B4GALT1: variants seen among roughly 807,000 people sequenced by gnomAD.
The protein encoded by B4GALT1 is beta-1,4-galactosyltransferase 1.
Under a neutral mutation model 34.9 loss-of-function variants are expected in B4GALT1, and 16 were observed. The observed-to-expected ratio is 0.46, with a 90% CI of 0.31 to 0.70. The LOEUF (loss-of-function observed/expected upper bound fraction) is 0.70. B4GALT1 is among the 30% of genes least tolerant of loss of function. B4GALT1 has a pLI of 0.05. For synonymous variants in B4GALT1, 221 were observed against 218.1 expected (o/e 1.01, Z -0.12); for missense variants, 445 against 530.5 (o/e 0.84, Z 1.58).
At chr9:33,169,243 C>T (rs138042425), upstream of B4GALT1, among the ~76,000 whole-genome samples, 365 of 152,276 alleles carry the variant, frequency 2.4e-3, 1 homozygote, top group African/African-American at 8.4e-3. Flanking sequence ...CCACAGAAAC[C>T]CTGTTCAATC....
At chr9:33,173,454 C>A in the B4GALT1 span, among the ~76,000 whole-genome samples, 1 of 149,618 alleles carries the variant, frequency 6.7e-6, no homozygotes, top group East Asian at 1.9e-4. Context: ...ATGAGAGTTA[C>A]CCAAGTTTCT....
intron 4 of B4GALT1, among the ~76,000 whole-genome samples, chr9:33,115,754 C>T (rs897393663): frequency 6.6e-6 from 1 of 152,184 alleles, no homozygotes; most frequent in African/African-American, 2.4e-5. Flanking sequence ...AAACTTGCCC[C>T]GTCACTTGGT....
At position 33,113,210 on chromosome 9, in the gene B4GALT1, C is replaced by T. The variant is rs891591306; in HGVS notation, c.*244G>A. On this transcript the variant is annotated 3_prime_UTR_variant, in exon 6 of 6. Transcript: ENST00000379731. ...CAGTTCTGACTCTGGGGTGACACTG[C>T]GAACACATCAAGAAACCCGCAAAGG... 9.3e-5 allele frequency: 53 copies of T among 568,792 alleles called. No individual in the cohort carries two copies. Among genetic ancestry groups the T allele is most frequent in the Middle Eastern group, 4.8e-4 (1 of 2,062 alleles). 35.2% of individuals were successfully genotyped at this position (568,792 alleles called of 1,614,324 possible).
At chr9:33,180,940 AC>A in the B4GALT1 span, among the ~76,000 whole-genome samples, 2 of 152,186 alleles carry the variant, frequency 1.3e-5, no homozygotes, top group Middle Eastern at 3.4e-3. Context: ...CTATCATCCA[AC>A]CCATATTTTC....
At chr9:33,175,758 A>G in the B4GALT1 span, among the ~76,000 whole-genome samples, 2 of 152,236 alleles carry the variant, frequency 1.3e-5, no homozygotes, top group Non-Finnish European at 2.9e-5. Context: ...GCCATACCAT[A>G]TAACCTAGAT....
chr9:33,175,021 A>ATATATATATATATATATATAT, the B4GALT1 span, among the ~76,000 whole-genome samples: 27 of 58,660 alleles, frequency 4.6e-4, no homozygotes, highest in Non-Finnish European at 6.8e-4. Flanking sequence ...ATATATATAT[A>ATATATATATATATATATATAT]AAATTGGAGG....
At chr9:33,105,049 ACCT>A (rs1352478396) in intron 2 of B4GALT1, among the ~76,000 whole-genome samples, 2 of 151,742 alleles carry the variant, frequency 1.3e-5, no homozygotes, top group Non-Finnish European at 2.9e-5. Context: ...CAAACTCCTG[ACCT>A]CAAGTGATCC....
chr9:33,116,142 G>A (rs1414579567), intron 3 of B4GALT1, 29 bp from the exon 4 acceptor site: 5 of 1,608,750 alleles, frequency 3.1e-6, no homozygotes, highest in Non-Finnish European at 4.2e-6. Flanking sequence ...CACAGAAGGA[G>A]CAGTGGTTAG....
intron 1 of B4GALT1, among the ~76,000 whole-genome samples, chr9:33,142,873 G>A (rs144369593): frequency 7.2e-5 from 11 of 152,166 alleles, no homozygotes; most frequent in East Asian, 1.9e-4. Flanking sequence ...GGCCAGGTGC[G>A]GTGGCTCACA....
downstream of B4GALT1, among the ~76,000 whole-genome samples, chr9:33,108,466 T>C (rs1839818290): frequency 1.4e-5 from 2 of 138,150 alleles, no homozygotes; most frequent in African/African-American, 5.4e-5. Context: ...AAAAAAAAAT[T>C]CTGAAAGGCA....
chr9:33,139,637 G>C (rs1475428538), intron 1 of B4GALT1, among the ~76,000 whole-genome samples: 1 of 152,172 alleles, frequency 6.6e-6, no homozygotes, highest in East Asian at 1.9e-4. Flanking sequence ...CTACACACCT[G>C]GCTCTGTCCC....
At chr9:33,128,619 G>A (rs13297246) in intron 2 of B4GALT1, among the ~76,000 whole-genome samples, 22,563 of 152,122 alleles carry the variant, frequency 0.15, 1,805 homozygotes, top group Non-Finnish European at 0.17. Context: ...CCAAGTGCCC[G>A]AAGGAAGGGG....
chr9:33,135,890 A>AGTGTGTGTGTGTGTGT (rs112875696), intron 1 of B4GALT1, among the ~76,000 whole-genome samples: 121 of 104,142 alleles, frequency 1.2e-3, no homozygotes, highest in African/African-American at 3.6e-3. Context: ...TAACTGGGGA[A>AGTGTGTGTGTGTGTGT]GTGTGTGTGT....
At chr9:33,121,811 A>AAG (rs1425259514) in intron 2 of B4GALT1, among the ~76,000 whole-genome samples, 1 of 152,144 alleles carries the variant, frequency 6.6e-6, no homozygotes, top group African/African-American at 2.4e-5. Context: ...AATGGGGTTC[A>AAG]ACATACAATG....
At chr9:33,176,840 AT>A in the B4GALT1 span, among the ~76,000 whole-genome samples, 97,756 of 151,710 alleles carry the variant, frequency 0.64, 31,674 homozygotes, top group Middle Eastern at 0.78. Context: ...CAAATCTAAC[AT>A]TTTTTTTTAA....
At chr9:33,124,471 T>C (rs989595193) in intron 2 of B4GALT1, among the ~76,000 whole-genome samples, 3 of 152,174 alleles carry the variant, frequency 2.0e-5, no homozygotes, top group African/African-American at 7.2e-5. Flanking sequence ...GCATGTGCAT[T>C]GTATTAAATG....
intron 3 of B4GALT1, among the ~76,000 whole-genome samples, chr9:33,117,970 C>G (rs1416650957): frequency 6.6e-6 from 1 of 152,210 alleles, no homozygotes; most frequent in African/African-American, 2.4e-5. Context: ...TTTCTCTCCC[C>G]TATCTGCCCC....
At chr9:33,175,265 A>T in the B4GALT1 span, among the ~76,000 whole-genome samples, 1 of 151,552 alleles carries the variant, frequency 6.6e-6, no homozygotes, top group Non-Finnish European at 1.5e-5. Context: ...GTAAGCTATG[A>T]TCAAGCCACT....
downstream of B4GALT1, among the ~76,000 whole-genome samples, chr9:33,109,190 T>G (rs965886973): frequency 3.3e-5 from 5 of 152,106 alleles, no homozygotes; most frequent in African/African-American, 9.7e-5. Context: ...TGGCCGATGA[T>G]GTAGTCTATC....
Sources: gnomAD v4.1 joint callset for allele counts (sites outside exome capture counted in the v4.1 genomes callset) on GRCh38, gnomAD v4.1.1 for gene constraint, MANE v1.5 for transcripts, NCBI Gene and HGNC (gene_info 2026-07-23, HGNC 2026-07-21) for gene names.